MACROD2: variants seen among roughly 807,000 people sequenced by gnomAD.
MACROD2 encodes the protein mono-ADP ribosylhydrolase 2, also known as ADP-ribose glycohydrolase MACROD2.
MACROD2 carries 36 observed loss-of-function variants against 70.4 expected under a neutral mutation model. That is an observed-to-expected ratio of 0.51 (90% CI 0.39 to 0.68). MACROD2 has a LOEUF of 0.68. Ranked by LOEUF, MACROD2 falls within the 30% of genes least tolerant of loss-of-function variation. The probability of loss-of-function intolerance (pLI) is 0.00; values close to 1 mark genes in which losing one functional copy is unlikely to be tolerated. For synonymous variants in MACROD2, 172 were observed against 178.8 expected, an observed-to-expected ratio of 0.96 and a Z score of 0.30; for missense variants, 496 against 538.4, an observed-to-expected ratio of 0.92 and a Z score of 0.78.
intron 2 of MACROD2, among the ~76,000 whole-genome samples, chr20:14,056,799 G>A (rs2148652770): frequency 6.6e-6 from 1 of 150,866 alleles, no homozygotes; most frequent in Admixed American, 6.6e-5. Flanking sequence ...CCTCTGAAGG[G>A]TATACAGTTT....
chr20:15,617,564 A>G (rs1023036033), intron 8 of MACROD2, among the ~76,000 whole-genome samples: 2 of 152,258 alleles, frequency 1.3e-5, no homozygotes, highest in Non-Finnish European at 2.9e-5. Context: ...ACAGGTGAAC[A>G]TAAGTTTTCA....
At chr20:14,489,457 T>C (rs1365340164) in intron 3 of MACROD2, among the ~76,000 whole-genome samples, 1 of 152,228 alleles carries the variant, frequency 6.6e-6, no homozygotes, top group Non-Finnish European at 1.5e-5. Flanking sequence ...GGGAATATAA[T>C]GTATGCCATT....
intron 3 of MACROD2, among the ~76,000 whole-genome samples, chr20:14,146,481 A>G (rs2054945146): frequency 1.3e-5 from 2 of 152,084 alleles, no homozygotes; most frequent in Non-Finnish European, 2.9e-5. Flanking sequence ...CTTCTGTTCT[A>G]GTTAGCTGTA....
chr20:14,908,738 C>T (rs187336403), intron 5 of MACROD2, among the ~76,000 whole-genome samples: 24 of 152,062 alleles, frequency 1.6e-4, no homozygotes, highest in African/African-American at 5.5e-4. Flanking sequence ...GCATGGGACT[C>T]ATGTTAGGGA....
At chr20:15,497,470 T>G (rs2047312532) in intron 7 of MACROD2, among the ~76,000 whole-genome samples, 1 of 152,162 alleles carries the variant, frequency 6.6e-6, no homozygotes. Flanking sequence ...TTTTGTATTT[T>G]TAGTAGAGAT....
chr20:14,800,840 G>A (rs183103189), intron 5 of MACROD2, among the ~76,000 whole-genome samples: 2 of 150,916 alleles, frequency 1.3e-5, no homozygotes, highest in East Asian at 3.9e-4. Flanking sequence ...GTAGTGCTCT[G>A]CCAACAAACA....
intron 5 of MACROD2, among the ~76,000 whole-genome samples, chr20:14,801,663 C>A (rs192730641): frequency 1.3e-3 from 191 of 152,128 alleles, no homozygotes; most frequent in African/African-American, 4.4e-3. Flanking sequence ...TCACCAGTAA[C>A]CTAGTCAACT....
intron 8 of MACROD2, among the ~76,000 whole-genome samples, chr20:15,594,789 TTTC>T (rs2048725207): frequency 6.6e-6 from 1 of 152,240 alleles, no homozygotes; most frequent in Non-Finnish European, 1.5e-5. Context: ...TTTCATACCT[TTTC>T]TTCTTTTAAG....
chr20:14,948,436 C>T (rs1377676654), intron 5 of MACROD2, among the ~76,000 whole-genome samples: 2 of 152,186 alleles, frequency 1.3e-5, no homozygotes, highest in African/African-American at 4.8e-5. Flanking sequence ...CTATCACTTA[C>T]TGATTGTGAC....
At chr20:14,826,714 G>A (rs953951256) in intron 5 of MACROD2, among the ~76,000 whole-genome samples, 9 of 152,070 alleles carry the variant, frequency 5.9e-5, no homozygotes, top group African/African-American at 1.2e-4. Context: ...ATAATAAGCC[G>A]AGCATCCTGA....
In MACROD2 at chr20:14,966,553, G is replaced by T. The variant is rs140002064; in HGVS notation, c.419-263387G>T. ...ATTGTGTCACTGCACTCCAGCCTGG[G>T]CAACAGAGCAAGAACCTGTCTTCAG... On this transcript the variant is annotated intron_variant, in intron 5 of 17. Transcript: ENST00000684519. Among the ~76,000 whole-genome samples the T allele has an allele frequency of 2.6e-4, 39 of 152,272 alleles. No individual in the cohort carries two copies. In the East Asian group the frequency reaches 7.5e-3, roughly 29 times the overall value.
At chr20:15,276,044 T>C (rs942577919) in intron 6 of MACROD2, among the ~76,000 whole-genome samples, 3 of 151,982 alleles carry the variant, frequency 2.0e-5, no homozygotes, top group African/African-American at 7.3e-5. Context: ...ATTGAGGAGG[T>C]GGGTGTTACA....
intron 5 of MACROD2, among the ~76,000 whole-genome samples, chr20:14,752,083 C>CATTT (rs2071879856): frequency 7.9e-6 from 1 of 126,868 alleles, no homozygotes; most frequent in Non-Finnish European, 1.7e-5. Flanking sequence ...ATCTCCTCAT[C>CATTT]TTTTTTTTTT....
chr20:15,213,295 C>T (rs1327396823), intron 5 of MACROD2, among the ~76,000 whole-genome samples: 1 of 152,086 alleles, frequency 6.6e-6, no homozygotes, highest in Non-Finnish European at 1.5e-5. Flanking sequence ...AATTTGTTAT[C>T]CCTAGTGTAT....
At chr20:15,459,482 T>G (rs941429052) in intron 7 of MACROD2, among the ~76,000 whole-genome samples, 2 of 152,162 alleles carry the variant, frequency 1.3e-5, no homozygotes, top group Admixed American at 1.3e-4. Flanking sequence ...GTATAGAAGC[T>G]TCCTTGATCT....
At chr20:15,039,972 C>T (rs192773883) in intron 5 of MACROD2, among the ~76,000 whole-genome samples, 39 of 152,086 alleles carry the variant, frequency 2.6e-4, no homozygotes, top group African/African-American at 7.5e-4. Context: ...ATTAAGGGGT[C>T]GACGTTCAAT....
At chr20:15,282,875 A>G (rs1260513419) in intron 6 of MACROD2, among the ~76,000 whole-genome samples, 13 of 152,156 alleles carry the variant, frequency 8.5e-5, no homozygotes, top group Non-Finnish European at 1.6e-4. Flanking sequence ...TTATGCCGCT[A>G]TGAAGAAATA....
chr20:15,564,995 G>A (rs2048292245), intron 8 of MACROD2, among the ~76,000 whole-genome samples: 1 of 152,012 alleles, frequency 6.6e-6, no homozygotes, highest in Non-Finnish European at 1.5e-5. Context: ...CAGTTTTCCT[G>A]GCAAATGTAC....
intron 8 of MACROD2, among the ~76,000 whole-genome samples, chr20:15,594,890 C>G (rs1044270577): frequency 2.6e-5 from 4 of 152,110 alleles, no homozygotes; most frequent in Non-Finnish European, 5.9e-5. Context: ...GTTTATTTTT[C>G]TCTATATTAG....
Sources: gnomAD v4.1 joint callset for allele counts (sites outside exome capture counted in the v4.1 genomes callset) on GRCh38, gnomAD v4.1.1 for gene constraint, MANE v1.5 for transcripts, NCBI Gene and HGNC (gene_info 2026-07-23, HGNC 2026-07-21) for gene names.